CCDC81: variants seen among roughly 807,000 people sequenced by gnomAD.
CCDC81 encodes coiled-coil domain-containing protein 81.
Under a neutral mutation model 83.7 loss-of-function variants are expected in CCDC81, and 79 were observed. The ratio of observed to expected loss-of-function variants is 0.94; its 90% CI spans 0.79 to 1.14. The LOEUF (loss-of-function observed/expected upper bound fraction) is 1.14, where lower values mean the gene tolerates loss of function less well. CCDC81 is among the 50% of genes most tolerant of loss of function. The pLI, the probability that CCDC81 is intolerant of heterozygous loss-of-function variation, is 0.00. For missense variants in CCDC81, 791 were observed against 778.1 expected (o/e 1.02, Z -0.20); for synonymous variants, 252 against 278.1 (o/e 0.91, Z 0.93).
Position 86,382,397 on chromosome 11 carries a change from G to A in CCDC81, c.80-3654G>A, listed in dbSNP as rs552944367. Among the ~76,000 whole-genome samples the A allele has an allele frequency of 1.3e-3, 204 of 152,238 alleles. 2 individuals carry two copies. Among genetic ancestry groups the A allele is most frequent in the Non-Finnish European group, 2.3e-3 (156 of 68,016 alleles). ...ATTATGGTGATGGACTGGATGTTAGGGGTGAGGGATAAGAGAAGTCTCAAG... is the reference window on the plus strand; with the variant it reads ...ATTATGGTGATGGACTGGATGTTAGAGGTGAGGGATAAGAGAAGTCTCAAG... On this transcript the variant is annotated intron_variant, in intron 1 of 14. Coordinates refer to ENST00000445632, the MANE Select transcript of CCDC81 (RefSeq NM_001156474.2).
intron 1 of CCDC81, among the ~76,000 whole-genome samples, chr11:86,383,883 G>C (rs1948205843): frequency 1.3e-5 from 2 of 152,152 alleles, no homozygotes; most frequent in Non-Finnish European, 2.9e-5. Flanking sequence ...TTTTAGTTTA[G>C]AATAATTAGT....
At chr11:86,397,876 G>T in intron 6 of CCDC81, 134 bp downstream of exon 6, 1 of 999,548 alleles carries the variant, frequency 1.0e-6, no homozygotes, top group Non-Finnish European at 1.3e-6. Context: ...TTTTGAGATG[G>T]AGTCTCGCTG....
chr11:86,401,035 G>A (rs1948480259), intron 7 of CCDC81, among the ~76,000 whole-genome samples: 1 of 152,158 alleles, frequency 6.6e-6, no homozygotes, highest in African/African-American at 2.4e-5. Flanking sequence ...TTATGACACA[G>A]GCGGAAACAA....
chr11:86,397,580 C>G, intron 5 of CCDC81, 41 bp from the exon 6 acceptor site: 2 of 1,581,408 alleles, frequency 1.3e-6, no homozygotes, highest in Non-Finnish European at 1.7e-6. Context: ...GTTACCTGTT[C>G]AGGTTCAGTG....
At chr11:86,407,879 C>CA (rs775979206) in intron 8 of CCDC81, among the ~76,000 whole-genome samples, 178 bp downstream of exon 8, 2 of 151,738 alleles carry the variant, frequency 1.3e-5, no homozygotes, top group African/African-American at 2.4e-5. Flanking sequence ...TACTGGTAAA[C>CA]AAAAAAAGAG....
intron 7 of CCDC81, among the ~76,000 whole-genome samples, chr11:86,405,853 C>G (rs1166850998): frequency 6.6e-6 from 1 of 151,392 alleles, no homozygotes; most frequent in Non-Finnish European, 1.5e-5. Flanking sequence ...ACCTCCGCCT[C>G]CCACGCTCAA....
intron 1 of CCDC81, among the ~76,000 whole-genome samples, chr11:86,378,855 T>A (rs114010181): frequency 6.6e-6 from 1 of 152,206 alleles, no homozygotes; most frequent in African/African-American, 2.4e-5. Flanking sequence ...TATATGTTTT[T>A]AGATTTAGAT....
chr11:86,418,271 T>C (rs916909685), intron 13 of CCDC81, among the ~76,000 whole-genome samples: 1 of 152,172 alleles, frequency 6.6e-6, no homozygotes, highest in Non-Finnish European at 1.5e-5. Context: ...CATAAAATGG[T>C]ACAGTTGCTA....
At chr11:86,411,764 C>G (rs1948644447) in intron 10 of CCDC81, among the ~76,000 whole-genome samples, 1 of 152,194 alleles carries the variant, frequency 6.6e-6, no homozygotes, top group African/African-American at 2.4e-5. Flanking sequence ...GTCCCACAGA[C>G]AGGTTTTGTT....
chr11:86,380,035 G>C (rs1361105629), intron 1 of CCDC81, among the ~76,000 whole-genome samples: 1 of 123,980 alleles, frequency 8.1e-6, no homozygotes, highest in African/African-American at 3.9e-5. Flanking sequence ...TTCTTCGATG[G>C]TCTTCCCTTT....
At chr11:86,376,865 G>C (rs900343422) in intron 1 of CCDC81, among the ~76,000 whole-genome samples, 5 of 152,162 alleles carry the variant, frequency 3.3e-5, no homozygotes, top group Non-Finnish European at 7.4e-5. Flanking sequence ...CATTTTATGA[G>C]TTTGGACAAA....
chr11:86,388,508 A>G (rs1224959115), intron 3 of CCDC81, among the ~76,000 whole-genome samples: 1 of 152,194 alleles, frequency 6.6e-6, no homozygotes, highest in African/African-American at 2.4e-5. Flanking sequence ...TCCGATGGCA[A>G]CAGGTGAAAA....
chr11:86,396,087 C>T (rs1948406289), intron 5 of CCDC81, among the ~76,000 whole-genome samples: 1 of 152,136 alleles, frequency 6.6e-6, no homozygotes, highest in South Asian at 2.1e-4. Context: ...TTCAGTTCAG[C>T]CCATTTCCTG....
chr11:86,402,737 G>A (rs1948510386), intron 7 of CCDC81, among the ~76,000 whole-genome samples: 1 of 152,204 alleles, frequency 6.6e-6, no homozygotes, highest in Non-Finnish European at 1.5e-5. Context: ...ATATGAGAGA[G>A]TGCTATATTT....
intron 6 of CCDC81, among the ~76,000 whole-genome samples, chr11:86,398,029 T>C (rs898151685): frequency 1.9e-4 from 29 of 152,026 alleles, no homozygotes; most frequent in Non-Finnish European, 3.7e-4. Flanking sequence ...TCTTTATCTT[T>C]TGTATAGATG....
chr11:86,383,793 C>T (rs1437015747), intron 1 of CCDC81, among the ~76,000 whole-genome samples: 2 of 152,156 alleles, frequency 1.3e-5, no homozygotes, highest in East Asian at 3.8e-4. Flanking sequence ...AAATCTATTC[C>T]GATTGGATTG....
intron 8 of CCDC81, among the ~76,000 whole-genome samples, 197 bp downstream of exon 8, chr11:86,407,898 T>G (rs1459458147): frequency 5.9e-5 from 9 of 152,260 alleles, no homozygotes; most frequent in Middle Eastern, 6.8e-3. Context: ...AGTTGAGAAA[T>G]CCCTTTCTAA....
At chr11:86,397,557 G>C in intron 5 of CCDC81, 64 bp from the exon 6 acceptor site, 4 of 1,534,312 alleles carry the variant, frequency 2.6e-6, no homozygotes, top group Non-Finnish European at 3.5e-6. Flanking sequence ...TCCAAAACTT[G>C]AGAGTTCACA....
chr11:86,409,423 C>G (rs1329767807), intron 10 of CCDC81, 58 bp downstream of exon 10: 1 of 793,402 alleles, frequency 1.3e-6, no homozygotes, highest in Admixed American at 2.8e-5. Context: ...GCCTTTGGAT[C>G]CACTCCCTGT....
Sources: gnomAD v4.1 joint callset for allele counts (sites outside exome capture counted in the v4.1 genomes callset) on GRCh38, gnomAD v4.1.1 for gene constraint, MANE v1.5 for transcripts, NCBI Gene and HGNC (gene_info 2026-07-23, HGNC 2026-07-21) for gene names.